AAK1: variants seen among roughly 807,000 people sequenced by gnomAD.
AAK1 encodes AP2-associated protein kinase 1.
A neutral mutation model predicts 116.0 loss-of-function variants in AAK1; 37 were observed. The ratio of observed to expected loss-of-function variants is 0.32; its 90% CI spans 0.25 to 0.42. The LOEUF (loss-of-function observed/expected upper bound fraction) is 0.42, where lower values mean the gene tolerates loss of function less well. AAK1 is among the 10% of genes least tolerant of loss of function. The pLI is 1.00. For missense variants in AAK1, 919 were observed against 1,170.6 expected (o/e 0.79, Z 3.14); for synonymous variants, 458 against 439.9 (o/e 1.04, Z -0.51).
Position 69,470,892 on chromosome 2 carries a change from A to C in AAK1, c.*4977T>G, listed in dbSNP as rs1674653473. 1.0e-6 allele frequency: 1 copy of C among 985,736 alleles called. No individual in the cohort carries two copies. The highest frequency in any genetic ancestry group is 1.7e-5 in the African/African-American group (1 of 57,234). 61.1% of individuals were successfully genotyped at this position (985,736 alleles called of 1,614,324 possible). Reference sequence around the variant, plus strand: ...CTCAGGAAAAGAGCAACTTATTTTAAGTTATTTACATCTCTAAACATCATG... The same window carrying C: ...CTCAGGAAAAGAGCAACTTATTTTACGTTATTTACATCTCTAAACATCATG... On this transcript the variant is annotated 3_prime_UTR_variant, in exon 22 of 22. Transcript: ENST00000409085.
intron 17 of AAK1, among the ~76,000 whole-genome samples, chr2:69,485,147 A>C (rs1034414113): frequency 6.6e-6 from 1 of 152,166 alleles, no homozygotes; most frequent in African/African-American, 2.4e-5. Flanking sequence ...CTCCTCAAAA[A>C]ACTGTCACTT....
chr2:69,586,242 T>C (rs1178437333), intron 2 of AAK1, among the ~76,000 whole-genome samples: 7 of 152,154 alleles, frequency 4.6e-5, no homozygotes, highest in African/African-American at 1.7e-4. Flanking sequence ...TGCTTAAAAA[T>C]GAACTGAGAA....
At chr2:69,556,678 C>G (rs1671399446) in intron 3 of AAK1, among the ~76,000 whole-genome samples, 182 bp downstream of exon 3, 1 of 152,056 alleles carries the variant, frequency 6.6e-6, no homozygotes, top group African/African-American at 2.4e-5. Flanking sequence ...TTCCTCTGCC[C>G]TCCAGCTGAG....
intron 8 of AAK1, 47 bp downstream of exon 8, chr2:69,529,961 T>C (rs771611606): frequency 1.4e-6 from 2 of 1,432,290 alleles, no homozygotes; most frequent in Non-Finnish European, 1.9e-6. Context: ...AATTCATTCT[T>C]TGTGATTAGA....
intron 2 of AAK1, among the ~76,000 whole-genome samples, chr2:69,565,629 G>A (rs1014069257): frequency 6.6e-6 from 1 of 152,242 alleles, no homozygotes; most frequent in Non-Finnish European, 1.5e-5. Context: ...CCCAGGGAAG[G>A]GAGAAGAGAA....
Position 69,530,101 on chromosome 2 carries a change from A to T in AAK1, c.778T>A (p.Leu260Met), listed in dbSNP as rs1299486200. ...CLLYKLCYFT[L>M]PFGESQVAIC... ...GCCACCTGACTTTCCCCAAATGGCA[A>T]AGTGAAGTAGCATAATTTATACAAC... Residue 260 changes from leucine (L) to methionine (M), a missense_variant, in exon 8 of 22, where the codon TTG (leucine) becomes ATG (methionine). Around this residue, in one of 4 missense-constraint regions of AAK1, gnomAD observed 317 missense variants for 490.4 expected, o/e 0.65. Coordinates refer to ENST00000409085, the MANE Select transcript of AAK1 (RefSeq NM_014911.5). The T allele has an allele frequency of 6.2e-7, 1 of 1,611,320 alleles. No individual in the cohort carries two copies. Among genetic ancestry groups the T allele is most frequent in the African/African-American group, 1.3e-5 (1 of 74,872 alleles).
chr2:69,516,969 G>C (rs1415938799), intron 12 of AAK1: 1 of 152,190 alleles, frequency 6.6e-6, no homozygotes, highest in Non-Finnish European at 1.5e-5. Flanking sequence ...CAAAACTCCA[G>C]GGCTGATTAG....
In AAK1 at chr2:69,477,004, G is replaced by C. The variant is rs1674880493; in HGVS notation, c.2681-14C>G. ...TATCTTCTGCAGCTTAATACAGAAT[G>C]CAAGTACACAAGCAGAAACAACAGA... On this transcript the variant is annotated splice_polypyrimidine_tract_variant and intron_variant, in intron 20 of 21. Coordinates refer to ENST00000409085, the MANE Select transcript of AAK1 (RefSeq NM_014911.5). 6.4e-7 allele frequency: 1 copy of C among 1,568,262 alleles called. No individual in the cohort carries two copies. Among genetic ancestry groups the C allele is most frequent in the South Asian group, 1.1e-5 (1 of 88,204 alleles).
chr2:69,469,220 C>T lies in AAK1; in HGVS notation c.*6649G>A, dbSNP rs1212727230. 10 of 985,314 alleles carry T rather than the reference C, an allele frequency of 1.0e-5. No individual in the cohort carries two copies. Among genetic ancestry groups the T allele is most frequent in the Non-Finnish European group, 1.2e-5 (10 of 829,962 alleles). The allele number at this position is 985,314 out of a possible 1,614,324, so 61.0% of individuals were successfully genotyped here. ...ACACTTTGCAACTCTCCAGGCCTGGCACTCTGAAGGGCAAAGAAATGCCAG... is the reference window on the plus strand; with the variant it reads ...ACACTTTGCAACTCTCCAGGCCTGGTACTCTGAAGGGCAAAGAAATGCCAG... On this transcript the variant is annotated 3_prime_UTR_variant, in exon 22 of 22. Transcript: ENST00000409085.
intron 3 of AAK1, among the ~76,000 whole-genome samples, chr2:69,547,656 A>G (rs532861439): frequency 6.6e-6 from 1 of 152,340 alleles, no homozygotes; most frequent in Non-Finnish European, 1.5e-5. Context: ...GTATATTACT[A>G]GTAGAAATAT....
intron 14 of AAK1, among the ~76,000 whole-genome samples, chr2:69,508,852 T>A (rs1379384264): frequency 6.6e-6 from 1 of 152,172 alleles, no homozygotes; most frequent in African/African-American, 2.4e-5. Flanking sequence ...TGTTAAGCAG[T>A]GTGCTCAGCT....
At chr2:69,640,768 C>T (rs996200519) in intron 2 of AAK1, among the ~76,000 whole-genome samples, 1 of 152,226 alleles carries the variant, frequency 6.6e-6, no homozygotes, top group Non-Finnish European at 1.5e-5. Context: ...ATGGTGCCAC[C>T]ACACTAACTC....
At chr2:69,532,005 T>G in intron 6 of AAK1, 36 bp downstream of exon 6, 3 of 1,609,934 alleles carry the variant, frequency 1.9e-6, no homozygotes, top group Non-Finnish European at 2.5e-6. Flanking sequence ...CTCATCTGAT[T>G]GTGGACAAAA....
chr2:69,600,087 A>C (rs990090420), intron 2 of AAK1, among the ~76,000 whole-genome samples: 1 of 151,758 alleles, frequency 6.6e-6, no homozygotes, highest in African/African-American at 2.4e-5. Flanking sequence ...CAGCCTCTCC[A>C]ATGTTTTTAG....
intron 15 of AAK1, among the ~76,000 whole-genome samples, chr2:69,506,198 C>T (rs151210305): frequency 6.6e-6 from 1 of 152,308 alleles, no homozygotes; most frequent in East Asian, 1.9e-4. Flanking sequence ...ATTATTAAAA[C>T]TCAGGGGCTA....
chr2:69,472,714 A>T lies in AAK1; in HGVS notation c.*3155T>A. The stretch of plus-strand genomic sequence containing the variant: ...TAGTTACTCCTCTTACATAGCTGGA[A>T]TAAAAGCAAATCAGAAACATATGCT... On this transcript the variant is annotated 3_prime_UTR_variant, in exon 22 of 22. Coordinates refer to ENST00000409085, the MANE Select transcript of AAK1 (RefSeq NM_014911.5). The T allele has an allele frequency of 1.0e-6, 1 of 985,448 alleles. No homozygotes were observed. Among genetic ancestry groups the T allele is most frequent in the Non-Finnish European group, 1.2e-6 (1 of 829,924 alleles). The allele number at this position is 985,448 out of a possible 1,614,324, so 61.0% of individuals were successfully genotyped here. A position where few individuals can be genotyped will look rare whatever the true frequency, so the allele number is the denominator to read the frequency against.
intron 12 of AAK1, among the ~76,000 whole-genome samples, chr2:69,515,683 CACAA>C (rs1262455437): frequency 2.0e-5 from 3 of 152,110 alleles, no homozygotes; most frequent in Non-Finnish European, 1.5e-5. Context: ...GTGCTACATA[CACAA>C]ACAGAGCTCA....
At chr2:69,585,910 T>C (rs1672744050) in intron 2 of AAK1, among the ~76,000 whole-genome samples, 1 of 152,080 alleles carries the variant, frequency 6.6e-6, no homozygotes, top group Non-Finnish European at 1.5e-5. Flanking sequence ...TGAAAAGCAC[T>C]AAAGAAAAAA....
chr2:69,607,115 A>G (rs1673841585), intron 2 of AAK1, among the ~76,000 whole-genome samples: 1 of 151,848 alleles, frequency 6.6e-6, no homozygotes, highest in African/African-American at 2.4e-5. Flanking sequence ...TAAAGCAAGA[A>G]GGTTTGACAG....
Sources: gnomAD v4.1 joint callset for allele counts (sites outside exome capture counted in the v4.1 genomes callset) on GRCh38, gnomAD v4.1.1 for gene constraint, gnomAD v4.1.1 regional missense constraint, MANE v1.5 for transcripts, NCBI Gene and HGNC (gene_info 2026-07-23, HGNC 2026-07-21) for gene names.